EED: variants seen among roughly 807,000 people sequenced by gnomAD.
The protein encoded by EED is polycomb protein EED.
A neutral mutation model predicts 61.0 loss-of-function variants in EED; 9 were observed. The ratio of observed to expected loss-of-function variants is 0.15; its 90% confidence interval spans 0.09 to 0.26. The LOEUF (loss-of-function observed/expected upper bound fraction) is 0.26. Ranked by LOEUF, EED falls within the 10% of genes least tolerant of loss-of-function variation. The pLI is 1.00. For synonymous variants in EED, 187 were observed against 174.4 expected (o/e 1.07, Z -0.57); for missense variants, 315 against 542.3 (o/e 0.58, Z 4.16).
intron 3 of EED, among the ~76,000 whole-genome samples, chr11:86,253,612 C>A (rs1565690841): frequency 6.6e-6 from 1 of 151,886 alleles, no homozygotes; most frequent in South Asian, 2.1e-4. Context: ...TAGTTAGCAG[C>A]CATATAAAGA....
intron 3 of EED, among the ~76,000 whole-genome samples, chr11:86,254,069 A>G (rs542223317): frequency 0.027 from 4,036 of 148,824 alleles, 225 homozygotes; most frequent in African/African-American, 0.094. Flanking sequence ...AAAAAAAAAA[A>G]AAAAAAGAAA....
chr11:86,281,692 A>C (rs1336135932), downstream of EED, among the ~76,000 whole-genome samples: 1 of 152,130 alleles, frequency 6.6e-6, no homozygotes, highest in African/African-American at 2.4e-5. Context: ...TCAGGCTTAG[A>C]GTTCAGTGGC....
intron 6 of EED, 92 bp downstream of exon 6, chr11:86,257,688 A>C: frequency 9.7e-7 from 1 of 1,035,456 alleles, no homozygotes; most frequent in South Asian, 1.7e-5. Context: ...AATAGGAAAA[A>C]CCATGAGAAG....
intron 8 of EED, among the ~76,000 whole-genome samples, chr11:86,267,381 A>G (rs888118521): frequency 5.3e-5 from 8 of 152,200 alleles, no homozygotes; most frequent in Non-Finnish European, 1.0e-4. Context: ...AGGACATATG[A>G]ATTGCCTAAG....
At chr11:86,247,558 G>T (rs1945421837) in intron 1 of EED, among the ~76,000 whole-genome samples, 1 of 152,140 alleles carries the variant, frequency 6.6e-6, no homozygotes, top group African/African-American at 2.4e-5. Flanking sequence ...GTAACATTAA[G>T]CATGTGTTAC....
At chr11:86,271,665 T>C (rs67029304) in intron 9 of EED, among the ~76,000 whole-genome samples, 31,158 of 152,176 alleles carry the variant, frequency 0.2, 3,900 homozygotes, top group Middle Eastern at 0.31. Context: ...GAGAACTGTT[T>C]CCTGTTCCTA....
Position 86,270,163 on chromosome 11 carries a change from G to A in EED, c.966+1602G>A, listed in dbSNP as rs1193035868. On this transcript the variant is annotated intron_variant, in intron 9 of 11. Transcript: ENST00000263360. ...CGAATCTTCGCCAGCATTTGGTATT[G>A]TCATTATTTTTTATTTTAGCTGTTC... 2 of 700,144 alleles carry A rather than the reference G, an allele frequency of 2.9e-6. No homozygotes were observed. Among genetic ancestry groups the A allele is most frequent in the Non-Finnish European group, 5.2e-6 (2 of 383,766 alleles). The allele number at this position is 700,144 out of a possible 1,614,324, so 43.4% of individuals were successfully genotyped here.
chr11:86,257,662 C>A, intron 6 of EED, 66 bp downstream of exon 6: 2 of 1,303,034 alleles, frequency 1.5e-6, no homozygotes, highest in South Asian at 1.4e-5. Context: ...TCACTAATGT[C>A]AAGAAAACCC....
At chr11:86,247,535 A>T (rs1225645059) in intron 1 of EED, among the ~76,000 whole-genome samples, 2 of 152,220 alleles carry the variant, frequency 1.3e-5, no homozygotes, top group African/African-American at 2.4e-5. Flanking sequence ...TTGGTGGCAG[A>T]GTCACAACTT....
chr11:86,248,691 C>A (rs1945449804), intron 1 of EED, among the ~76,000 whole-genome samples: 1 of 152,018 alleles, frequency 6.6e-6, no homozygotes, highest in African/African-American at 2.4e-5. Context: ...ACTGTAGAGA[C>A]AAAATTTACA....
chr11:86,274,572 C>T (rs1339980233), intron 9 of EED, among the ~76,000 whole-genome samples: 8 of 152,134 alleles, frequency 5.3e-5, no homozygotes, highest in Admixed American at 5.2e-4. Context: ...CTGGGTTCCC[C>T]ACTCGGTTGA....
chr11:86,281,794 C>T (rs1237450947), downstream of EED, among the ~76,000 whole-genome samples: 1 of 152,188 alleles, frequency 6.6e-6, no homozygotes, highest in African/African-American at 2.4e-5. Flanking sequence ...GTAGCTACGA[C>T]TGTAGGCATG....
intron 8 of EED, among the ~76,000 whole-genome samples, chr11:86,267,203 A>G (rs925608653): frequency 1.1e-4 from 17 of 152,356 alleles, no homozygotes; most frequent in Admixed American, 1.1e-3. Flanking sequence ...GTATGTATTT[A>G]GCTAAAAAGC....
chr11:86,250,752 A>G (rs1282045476), intron 2 of EED, among the ~76,000 whole-genome samples: 1 of 152,160 alleles, frequency 6.6e-6, no homozygotes, highest in Non-Finnish European at 1.5e-5. Flanking sequence ...TTTATATTTT[A>G]GTAAAACTTA....
At chr11:86,268,988 A>C (rs773257905) in intron 9 of EED, among the ~76,000 whole-genome samples, 6 of 152,050 alleles carry the variant, frequency 3.9e-5, no homozygotes, top group Non-Finnish European at 8.8e-5. Context: ...GCCCCTGTTG[A>C]TGGATTTATA....
At chr11:86,254,071 AAAAAG>A (rs1945605944) in intron 3 of EED, among the ~76,000 whole-genome samples, 1 of 148,334 alleles carries the variant, frequency 6.7e-6, no homozygotes, top group Non-Finnish European at 1.5e-5. Flanking sequence ...AAAAAAAAAA[AAAAAG>A]AAAATGGAAA....
chr11:86,281,294 C>G (rs1394474800), downstream of EED, among the ~76,000 whole-genome samples: 4 of 152,116 alleles, frequency 2.6e-5, no homozygotes, highest in Non-Finnish European at 5.9e-5. Context: ...TGATGAGAGA[C>G]TTGGTGTATT....
chr11:86,286,457 G>A, the EED span, among the ~76,000 whole-genome samples: 2 of 152,180 alleles, frequency 1.3e-5, no homozygotes, highest in African/African-American at 4.8e-5. Flanking sequence ...AAAAAGGCTG[G>A]TAGAAACTCA....
At chr11:86,280,787 A>C (rs577915035), downstream of EED, among the ~76,000 whole-genome samples, 2 of 152,330 alleles carry the variant, frequency 1.3e-5, no homozygotes, top group African/African-American at 4.8e-5. Context: ...AATGAGTATG[A>C]TGTTAGTTAT....
Sources: allele counts gnomAD v4.1 joint callset (sites outside exome capture counted in the v4.1 genomes callset), GRCh38; gene constraint gnomAD v4.1.1; transcripts MANE v1.5; gene names NCBI Gene and HGNC (gene_info 2026-07-23, HGNC 2026-07-21).